Variants in STAG3 observed in about 807,000 individuals in gnomAD.
The protein encoded by STAG3 is STAG3 cohesin complex component.
A neutral mutation model predicts 160.7 loss-of-function variants in STAG3; 101 were observed. That is an observed-to-expected ratio of 0.63 (90% CI 0.54 to 0.74). STAG3 has a LOEUF of 0.74. Ranked by LOEUF, STAG3 falls within the 30% of genes least tolerant of loss-of-function variation. The probability of loss-of-function intolerance (pLI) is 0.00; values close to 1 mark genes in which losing one functional copy is unlikely to be tolerated. For missense variants in STAG3, 1,188 were observed against 1,517.4 expected, an observed-to-expected ratio of 0.78 and a Z score of 3.61; for synonymous variants, 519 against 585.0, an observed-to-expected ratio of 0.89 and a Z score of 1.63.
downstream of STAG3, among the ~76,000 whole-genome samples, chr7:100,215,764 C>G (rs1802704273): frequency 6.6e-6 from 1 of 152,144 alleles, no homozygotes; most frequent in Non-Finnish European, 1.5e-5. Flanking sequence ...GCCTTTGACA[C>G]TGTTTATTGA....
intron 26 of STAG3, 89 bp from the exon 27 acceptor site, chr7:100,204,538 G>A: frequency 2.0e-6 from 3 of 1,516,702 alleles, no homozygotes; most frequent in Non-Finnish European, 2.7e-6. Context: ...AAGGCCTTTG[G>A]AATTTCTGAG....
rs1316026034 is a variant in STAG3, at chr7:100,184,562, G to C, written c.337-1638G>C. On this transcript the variant is annotated intron_variant, in intron 4 of 33. Coordinates refer to ENST00000615138, the MANE Select transcript of STAG3 (RefSeq NM_001282717.2). Reference sequence around the variant, plus strand: ...GGCTCACTGCAACCTCCACCTCCCGGGTTCACATGATTCTCCTGCCTCAGC... The same window carrying C: ...GGCTCACTGCAACCTCCACCTCCCGCGTTCACATGATTCTCCTGCCTCAGC... Among the ~76,000 whole-genome samples, 6 of 143,422 alleles carry C rather than the reference G, an allele frequency of 4.2e-5. No homozygotes were observed. The East Asian group carries it at 1.4e-3, about 33-fold the overall frequency. The allele number at this position is 143,422 out of a possible 152,430, so 94.1% of individuals were successfully genotyped here.
chr7:100,206,617 G>A lies in STAG3; in HGVS notation c.3238+1233G>A, dbSNP rs186187069. On this transcript the variant is annotated intron_variant, in intron 29 of 33. Coordinates refer to ENST00000615138, the MANE Select transcript of STAG3 (RefSeq NM_001282717.2). ...CTCCTGAGTAGTTGGGATTACAGGCGTCCACCACCACCCCCAGCCAATTTT... is the reference window on the plus strand; with the variant it reads ...CTCCTGAGTAGTTGGGATTACAGGCATCCACCACCACCCCCAGCCAATTTT... 5.3e-3 allele frequency among the ~76,000 whole-genome samples: 805 copies of A among 151,906 alleles called. 6 individuals are homozygous for A. Among genetic ancestry groups the A allele is most frequent in the Middle Eastern group, 0.017 (5 of 294 alleles).
At chr7:100,192,272 C>A (rs2117191573) in intron 8 of STAG3, among the ~76,000 whole-genome samples, 1 of 152,288 alleles carries the variant, frequency 6.6e-6, no homozygotes, top group East Asian at 1.9e-4. Flanking sequence ...CACCTGTAAT[C>A]CCAGCACTTT....
chr7:100,195,083 A>T (rs1394635042), intron 8 of STAG3, among the ~76,000 whole-genome samples: 1 of 152,206 alleles, frequency 6.6e-6, no homozygotes, highest in East Asian at 1.9e-4. Flanking sequence ...GAATAACCAC[A>T]TGCAGAGGGG....
At chr7:100,198,404 T>C in intron 12 of STAG3, 71 bp from the exon 13 acceptor site, 4 of 1,540,900 alleles carry the variant, frequency 2.6e-6, no homozygotes, top group Non-Finnish European at 3.6e-6. Flanking sequence ...TGCCTCTTTT[T>C]GTTTCTAGCC....
chr7:100,206,915 G>T (rs960983391), intron 29 of STAG3, among the ~76,000 whole-genome samples: 1 of 152,158 alleles, frequency 6.6e-6, no homozygotes, highest in African/African-American at 2.4e-5. Context: ...GCCTTAGGTA[G>T]TATCACTAAT....
downstream of STAG3, chr7:100,218,848 A>C (rs3991345): frequency 8.9e-6 from 2 of 224,842 alleles, no homozygotes; most frequent in East Asian, 2.6e-4. Context: ...GGATTCACAA[A>C]ACGTGTCACT....
rs769223585 is a variant in STAG3 at position 100,211,504 on chromosome 7, C to G, written c.3483C>G (p.Asn1161Lys). The G allele has an allele frequency of 1.9e-6, 3 of 1,613,932 alleles. No individual in the cohort carries two copies. The highest frequency in any genetic ancestry group is 2.5e-6 in the Non-Finnish European group (3 of 1,180,008). The change falls in exon 31 of 34, where the codon AAC becomes AAG. Residue 1161 changes from asparagine (N) to lysine (K), a missense_variant. Transcript: ENST00000615138. ...LGPQYFQTPHNPSGPGLGNQL... is the reference protein window; with the variant it reads ...LGPQYFQTPHKPSGPGLGNQL... Reference sequence around the variant, plus strand: ...CACAATATTTCCAGACTCCACACAACCCTTCAGGTCCTGGCCTGGGCAACC... The same window carrying G: ...CACAATATTTCCAGACTCCACACAAGCCTTCAGGTCCTGGCCTGGGCAACC...
At chr7:100,194,496 G>A (rs973875884) in intron 8 of STAG3, among the ~76,000 whole-genome samples, 1 of 152,166 alleles carries the variant, frequency 6.6e-6, no homozygotes, top group African/African-American at 2.4e-5. Flanking sequence ...AGTTACAGTA[G>A]TAACATTAGG....
chr7:100,194,635 A>AT (rs1223854354), intron 8 of STAG3, among the ~76,000 whole-genome samples: 3 of 151,862 alleles, frequency 2.0e-5, no homozygotes, highest in Non-Finnish European at 2.9e-5. Flanking sequence ...AAAAAAAAAA[A>AT]TTTTTTTTAA....
chr7:100,198,656 C>G, intron 13 of STAG3, 74 bp downstream of exon 13: 1 of 1,432,942 alleles, frequency 7.0e-7, no homozygotes, highest in Non-Finnish European at 9.8e-7. Flanking sequence ...GCTGCCCTAC[C>G]TAAGGCTTCC....
chr7:100,203,502 TTTTATTTA>T (rs763907029), intron 25 of STAG3, among the ~76,000 whole-genome samples: 7 of 151,402 alleles, frequency 4.6e-5, no homozygotes, highest in African/African-American at 9.7e-5. Context: ...TTGTTTTTTA[TTTTATTTA>T]TTTATTTATT....
Position 100,211,162 on chromosome 7 carries a change from C to A in STAG3, c.3390C>A (p.Gly1130=). The change falls in exon 30 of 34, where the codon GGC becomes GGA. Residue 1130 remains glycine (G), a synonymous_variant. Transcript: ENST00000615138. ...TGAAAGAGATGGAGGAAGAAGATGG[C>A]TCAGAGTTGGATTTTGCCCAGGGGT... ...WGLKEMEEED[G]SELDFAQGSQ... The A allele has an allele frequency of 6.4e-7, 1 of 1,553,998 alleles. No homozygotes were observed.
At chr7:100,217,440 G>T (rs1388953546), downstream of STAG3, among the ~76,000 whole-genome samples, 1 of 152,238 alleles carries the variant, frequency 6.6e-6, no homozygotes, top group Admixed American at 6.5e-5. Context: ...CTTTTCAGGG[G>T]TGGCACTGTA....
chr7:100,189,432 T>C lies in STAG3; in HGVS notation c.716-13T>C, dbSNP rs1379353510. 1.2e-6 allele frequency: 2 copies of C among 1,608,100 alleles called. No homozygotes were observed. Among genetic ancestry groups the C allele is most frequent in the East Asian group, 2.2e-5 (1 of 44,878 alleles). On this transcript the variant is annotated splice_polypyrimidine_tract_variant and intron_variant, in intron 7 of 33. Coordinates refer to ENST00000615138, the MANE Select transcript of STAG3 (RefSeq NM_001282717.2). Reference sequence around the variant, plus strand: ...CAGTAATGATTTCTTTATCTCTTTTTCCTTTCTCAAAGCTATGAAACTGAT... The same window carrying C: ...CAGTAATGATTTCTTTATCTCTTTTCCCTTTCTCAAAGCTATGAAACTGAT...
At chr7:100,178,114 A>T (rs899728808) in intron 1 of STAG3, 109 bp downstream of exon 1, 2 of 99,810 alleles carry the variant, frequency 2.0e-5, no homozygotes, top group Non-Finnish European at 3.9e-5. Context: ...CGGCCCTGAC[A>T]CTAGGAGCCT....
Position 100,198,128 on chromosome 7 carries a change from G to T in STAG3, c.1206G>T (p.Val402=), listed in dbSNP as rs755017612. ...TGGTCATGGACAGAGAGTATGATGT[G>T]GCAGTGGAGGCTGTCAGATTACTGA... The part of the protein sequence containing the change: ...VSMVMDREYD[V]AVEAVRLLIL... Residue 402 remains valine (V), a synonymous_variant, in exon 12 of 34, where the codon GTG becomes GTT. Transcript: ENST00000615138. 6.2e-7 allele frequency: 1 copy of T among 1,613,830 alleles called. No individual in the cohort carries two copies. The highest frequency in any genetic ancestry group is 8.5e-7 in the Non-Finnish European group (1 of 1,179,880).
chr7:100,198,352 C>A (rs1800832715), intron 12 of STAG3, 123 bp from the exon 13 acceptor site: 1 of 1,220,508 alleles, frequency 8.2e-7, no homozygotes, highest in Admixed American at 1.7e-5. Flanking sequence ...GTCTTCCGCT[C>A]TTCATTTAGA....
Sources: allele counts gnomAD v4.1 joint callset (sites outside exome capture counted in the v4.1 genomes callset), GRCh38; gene constraint gnomAD v4.1.1; transcripts MANE v1.5; gene names NCBI Gene and HGNC (gene_info 2026-07-23, HGNC 2026-07-21).